ZNF804B: variants seen among roughly 807,000 people sequenced by gnomAD.
The protein encoded by ZNF804B is zinc finger 804B.
In ZNF804B, 80 loss-of-function variants were observed where a neutral mutation model predicts 101.4. The ratio of observed to expected loss-of-function variants is 0.79; its 90% confidence interval spans 0.66 to 0.95. The LOEUF is 0.95. Among genes scored for constraint, ZNF804B ranks in the 40% least tolerant of loss-of-function variants. The pLI is 0.00. For missense variants in ZNF804B, 1,673 were observed against 1,561.9 expected (o/e 1.07, Z -1.20); for synonymous variants, 622 against 558.8 (o/e 1.11, Z -1.59).
intron 2 of ZNF804B, among the ~76,000 whole-genome samples, chr7:89,304,124 C>T (rs28406065): frequency 0.26 from 39,001 of 151,680 alleles, 5,144 homozygotes; most frequent in Admixed American, 0.29. Context: ...CTATAATCCA[C>T]AAATGTCTTT....
At chr7:89,078,391 A>C (rs1789644020) in intron 1 of ZNF804B, among the ~76,000 whole-genome samples, 1 of 152,032 alleles carries the variant, frequency 6.6e-6, no homozygotes, top group Non-Finnish European at 1.5e-5. Flanking sequence ...CATGCTTCTA[A>C]TTTGATGCAG....
rs189487180 is a variant in ZNF804B, at chr7:88,984,861, C to T, written c.108+224777C>T. On this transcript the variant is annotated intron_variant, in intron 1 of 3. Transcript: ENST00000333190. Reference sequence around the variant, plus strand: ...TGATTCAATGGTAATCTTGAGGACACAGATTGTATATTTTTTTTAATCTCC... The same window carrying T: ...TGATTCAATGGTAATCTTGAGGACATAGATTGTATATTTTTTTTAATCTCC... Among the ~76,000 whole-genome samples the T allele has an allele frequency of 3.0e-3, 461 of 152,096 alleles. 7 individuals are homozygous for T. The highest frequency in any genetic ancestry group is 0.011 in the African/African-American group (441 of 41,516).
chr7:88,795,128 G>A (rs1317322254), intron 1 of ZNF804B: 5 of 461,416 alleles, frequency 1.1e-5, no homozygotes, highest in South Asian at 6.0e-5. Context: ...AGTTTTATCA[G>A]GAAACAATGT....
chr7:88,979,840 A>C (rs1205314059), intron 1 of ZNF804B, among the ~76,000 whole-genome samples: 1 of 151,578 alleles, frequency 6.6e-6, no homozygotes, highest in African/African-American at 2.4e-5. Context: ...TTTAAGGCCA[A>C]TAACTCTTAA....
rs1468523250 is a variant in ZNF804B at position 89,279,580 on chromosome 7, A to C, written c.250-47764A>C. Among the ~76,000 whole-genome samples the C allele has an allele frequency of 3.3e-5, 5 of 151,990 alleles. No homozygotes were observed. The East Asian group carries it at 5.8e-4, about 18-fold the overall frequency. On this transcript the variant is annotated intron_variant, in intron 2 of 3. Coordinates refer to ENST00000333190, the MANE Select transcript of ZNF804B (RefSeq NM_181646.5). ...GCATGAAGCGTTGTTGAATTTTGTC[A>C]AAGGCCTTTTCTGCATCTATTGAGA...
chr7:88,827,667 A>T (rs757539958), intron 1 of ZNF804B, among the ~76,000 whole-genome samples: 2 of 151,910 alleles, frequency 1.3e-5, no homozygotes, highest in East Asian at 3.9e-4. Context: ...GCTCAACCTA[A>T]TTTATTTATC....
At chr7:88,836,946 C>T (rs1209091908) in intron 1 of ZNF804B, among the ~76,000 whole-genome samples, 1 of 151,816 alleles carries the variant, frequency 6.6e-6, no homozygotes, top group Non-Finnish European at 1.5e-5. Context: ...TTTGGTTTTT[C>T]TTTTGTTTGT....
At chr7:89,044,980 A>C (rs1562869288) in intron 1 of ZNF804B, among the ~76,000 whole-genome samples, 1 of 152,212 alleles carries the variant, frequency 6.6e-6, no homozygotes, top group Non-Finnish European at 1.5e-5. Context: ...AGCCCCATCC[A>C]TCACAGGCCG....
At chr7:89,159,479 T>A (rs1791026336) in intron 1 of ZNF804B, among the ~76,000 whole-genome samples, 1 of 152,008 alleles carries the variant, frequency 6.6e-6, no homozygotes, top group African/African-American at 2.4e-5. Flanking sequence ...TGTAAAATGG[T>A]GATTAGATTA....
At chr7:89,025,518 C>G (rs1025310404) in intron 1 of ZNF804B, among the ~76,000 whole-genome samples, 2 of 152,074 alleles carry the variant, frequency 1.3e-5, no homozygotes, top group African/African-American at 4.8e-5. Flanking sequence ...TTAGAACAAA[C>G]TTCCTGATAC....
At chr7:89,063,238 G>A (rs1434452551) in intron 1 of ZNF804B, among the ~76,000 whole-genome samples, 1 of 152,060 alleles carries the variant, frequency 6.6e-6, no homozygotes, top group African/African-American at 2.4e-5. Context: ...TCATGAAAAT[G>A]GTTAAATTTG....
intron 1 of ZNF804B, among the ~76,000 whole-genome samples, chr7:89,155,476 C>T (rs1352572306): frequency 4.6e-5 from 7 of 152,166 alleles, no homozygotes; most frequent in Admixed American, 4.6e-4. Context: ...CCTACCTGGT[C>T]TCTCAGCTTC....
intron 2 of ZNF804B, among the ~76,000 whole-genome samples, chr7:89,281,968 G>A (rs1027817277): frequency 7.2e-5 from 11 of 152,134 alleles, no homozygotes; most frequent in African/African-American, 2.6e-4. Flanking sequence ...TTGGGAGGCC[G>A]AGGCGGGCGG....
chr7:89,075,513 C>A (rs1428677305), intron 1 of ZNF804B, among the ~76,000 whole-genome samples: 1 of 152,130 alleles, frequency 6.6e-6, no homozygotes, highest in African/African-American at 2.4e-5. Flanking sequence ...GCTTCAGGAA[C>A]CTCCACCTGG....
At chr7:89,079,799 T>C (rs1342093499) in intron 1 of ZNF804B, among the ~76,000 whole-genome samples, 1 of 151,896 alleles carries the variant, frequency 6.6e-6, no homozygotes, top group Non-Finnish European at 1.5e-5. Context: ...GGAAAAGCTT[T>C]CCAAATAAAG....
At chr7:89,217,216 A>T (rs758896) in intron 1 of ZNF804B, among the ~76,000 whole-genome samples, 1 of 151,980 alleles carries the variant, frequency 6.6e-6, no homozygotes, top group Non-Finnish European at 1.5e-5. Context: ...GTTTGATAAA[A>T]TATGATACAG....
intron 1 of ZNF804B, among the ~76,000 whole-genome samples, chr7:89,114,249 A>C (rs1402028924): frequency 6.6e-6 from 1 of 152,254 alleles, no homozygotes; most frequent in Admixed American, 6.5e-5. Flanking sequence ...TAAATGTTCA[A>C]GAAAATATTT....
At chr7:89,308,144 C>T (rs1454713408) in intron 2 of ZNF804B, among the ~76,000 whole-genome samples, 1 of 152,056 alleles carries the variant, frequency 6.6e-6, no homozygotes, top group Admixed American at 6.6e-5. Flanking sequence ...AATATTTGAA[C>T]GCTCTTGACA....
At chr7:89,322,915 T>G (rs1216715888) in intron 2 of ZNF804B, among the ~76,000 whole-genome samples, 1 of 152,194 alleles carries the variant, frequency 6.6e-6, no homozygotes, top group Non-Finnish European at 1.5e-5. Context: ...ATTCTCTAAC[T>G]CATTTTATGA....
Sources: allele counts gnomAD v4.1 joint callset (sites outside exome capture counted in the v4.1 genomes callset), GRCh38; gene constraint gnomAD v4.1.1; transcripts MANE v1.5; gene names NCBI Gene and HGNC (gene_info 2026-07-23, HGNC 2026-07-21).